TMEM196: variants seen among roughly 807,000 people sequenced by gnomAD.
TMEM196 encodes transmembrane protein 196.
Under a neutral mutation model 20.0 loss-of-function variants are expected in TMEM196, and 17 were observed. That is an observed-to-expected ratio of 0.85 (90% CI 0.58 to 1.27). The LOEUF is 1.27. TMEM196 is among the 50% of genes most tolerant of loss of function. The pLI is 0.00. For missense variants in TMEM196, 267 were observed against 223.0 expected (o/e 1.20, Z -1.26); for synonymous variants, 113 against 88.9 (o/e 1.27, Z -1.52).
At position 19,745,843 on chromosome 7, in the gene TMEM196, G is replaced by A. The variant is rs756768590; in HGVS notation, c.148-16405C>T. On this transcript the variant is annotated intron_variant, in intron 1 of 4. Transcript: ENST00000405844. Reference sequence around the variant, plus strand: ...CTCCTAATTGAAATTGTCCATTGGCGTATTCTATGGGTTATTTTAATAAAA... The same window carrying A: ...CTCCTAATTGAAATTGTCCATTGGCATATTCTATGGGTTATTTTAATAAAA... Among the ~76,000 whole-genome samples the A allele has an allele frequency of 4.6e-5, 7 of 150,710 alleles. No homozygotes were observed. In the South Asian group the frequency reaches 6.4e-4, roughly 14 times the overall value.
intron 4 of TMEM196, 121 bp downstream of exon 4, chr7:19,724,159 T>G: frequency 2.2e-6 from 2 of 896,202 alleles, no homozygotes; most frequent in Non-Finnish European, 3.4e-6. Flanking sequence ...AAGCGATACT[T>G]TGAGAAACAA....
chr7:19,770,948 C>T (rs1402048488), intron 1 of TMEM196, among the ~76,000 whole-genome samples: 2 of 151,084 alleles, frequency 1.3e-5, no homozygotes, highest in African/African-American at 4.9e-5. Flanking sequence ...TGTTGAATTT[C>T]GTTGGGGGCG....
At chr7:19,728,634 T>A (rs892869553) in intron 2 of TMEM196, among the ~76,000 whole-genome samples, 1 of 152,234 alleles carries the variant, frequency 6.6e-6, no homozygotes, top group Non-Finnish European at 1.5e-5. Context: ...CTAGGGTCCC[T>A]GTGTAGTATT....
chr7:19,721,087 G>C lies in TMEM196; in HGVS notation c.*1041C>G, dbSNP rs1783798268. ...GTCTATCTGTATACTACACTATTCA[G>C]ATCACTCATCTTCATAAATATCACC... On this transcript the variant is annotated 3_prime_UTR_variant, in exon 5 of 5. Transcript: ENST00000405844. 1.3e-5 allele frequency: 2 copies of C among 151,760 alleles called. No individual in the cohort carries two copies. The highest frequency in any genetic ancestry group is 2.1e-4 in the South Asian group (1 of 4,828). The allele number at this position is 151,760 out of a possible 1,614,324, so 9.4% of individuals were successfully genotyped here.
intron 2 of TMEM196, among the ~76,000 whole-genome samples, chr7:19,727,017 TCTC>T (rs1209041023): frequency 1.3e-5 from 2 of 152,182 alleles, no homozygotes. Context: ...ACTTTATTGA[TCTC>T]CTCCTTTGTT....
intron 1 of TMEM196, among the ~76,000 whole-genome samples, chr7:19,744,199 T>C (rs1198957983): frequency 6.6e-6 from 1 of 152,234 alleles, no homozygotes; most frequent in Non-Finnish European, 1.5e-5. Flanking sequence ...TTCAGCTTTC[T>C]CTGGATAAAC....
In TMEM196 at chr7:19,761,378, G is replaced by A. The variant is rs559763178; in HGVS notation, c.147+11172C>T. On this transcript the variant is annotated intron_variant, in intron 1 of 4. Coordinates refer to ENST00000405844, the MANE Select transcript of TMEM196 (RefSeq NM_001363562.2). ...TGTAAAGAATATAGTTCCATACACCGTGTTTCTTCCACTATAGAAAATTTC... is the reference window on the plus strand; with the variant it reads ...TGTAAAGAATATAGTTCCATACACCATGTTTCTTCCACTATAGAAAATTTC... Among the ~76,000 whole-genome samples the A allele has an allele frequency of 6.6e-5, 10 of 152,158 alleles. No homozygotes were observed. In the South Asian group the frequency reaches 1.0e-3, roughly 16 times the overall value.
At chr7:19,734,664 C>T (rs1161445261) in intron 1 of TMEM196, among the ~76,000 whole-genome samples, 4 of 152,116 alleles carry the variant, frequency 2.6e-5, no homozygotes, top group African/African-American at 9.7e-5. Context: ...TGTAGGTGAC[C>T]TCTGGGCACT....
intron 1 of TMEM196, among the ~76,000 whole-genome samples, chr7:19,749,838 G>C (rs1023879658): frequency 3.3e-5 from 5 of 152,174 alleles, no homozygotes; most frequent in Non-Finnish European, 5.9e-5. Context: ...GTGGAAATTA[G>C]AGTGTCAGTG....
In TMEM196 at chr7:19,772,623, C is replaced by A; in HGVS notation, c.74G>T (p.Ser25Ile). 1 of 1,547,514 alleles carries A rather than the reference C, an allele frequency of 6.5e-7. No individual in the cohort carries two copies. The highest frequency in any genetic ancestry group is 8.7e-7 in the Non-Finnish European group (1 of 1,146,004). ...SVLEIGLGVSSVAVGAVSFSL... is the reference protein window; with the variant it reads ...SVLEIGLGVSIVAVGAVSFSL... Reference sequence around the variant, plus strand: ...GAAGCTGACCGCCCCCACGGCCACGCTGGACACCCCCAGCCCTATCTCCAG... The same window carrying A: ...GAAGCTGACCGCCCCCACGGCCACGATGGACACCCCCAGCCCTATCTCCAG... Residue 25 changes from serine (S) to isoleucine (I), a missense_variant, in exon 1 of 5, where the codon AGC becomes ATC. By Grantham distance (142) the Ser-to-Ile change is moderately radical. Coordinates refer to ENST00000405844, the MANE Select transcript of TMEM196 (RefSeq NM_001363562.2).
chr7:19,735,802 C>T (rs1301811483), intron 1 of TMEM196, among the ~76,000 whole-genome samples: 1 of 152,124 alleles, frequency 6.6e-6, no homozygotes, highest in Non-Finnish European at 1.5e-5. Context: ...TATTTAACTA[C>T]TTCAGATGAA....
chr7:19,748,729 C>T (rs1784853913), intron 1 of TMEM196, among the ~76,000 whole-genome samples: 1 of 152,102 alleles, frequency 6.6e-6, no homozygotes, highest in African/African-American at 2.4e-5. Flanking sequence ...ATACATTTTG[C>T]TTAGCTAAAA....
At chr7:19,757,159 T>C (rs1051599897) in intron 1 of TMEM196, among the ~76,000 whole-genome samples, 2 of 149,696 alleles carry the variant, frequency 1.3e-5, no homozygotes, top group African/African-American at 5.0e-5. Flanking sequence ...ACTTGCATCT[T>C]ATATTGCAGT....
intron 1 of TMEM196, 60 bp from the exon 2 acceptor site, chr7:19,729,498 T>G: frequency 6.8e-7 from 1 of 1,467,966 alleles, no homozygotes; most frequent in Non-Finnish European, 9.2e-7. Flanking sequence ...CCCTAGATTT[T>G]AGCTTGTAGT....
chr7:19,750,317 A>C (rs1372254599), intron 1 of TMEM196, among the ~76,000 whole-genome samples: 1 of 152,246 alleles, frequency 6.6e-6, no homozygotes, highest in Admixed American at 6.5e-5. Flanking sequence ...GCATATATCA[A>C]AACATCACAT....
At chr7:19,746,515 A>T (rs2390156) in intron 1 of TMEM196, among the ~76,000 whole-genome samples, 25,537 of 152,228 alleles carry the variant, frequency 0.17, 2,653 homozygotes, top group East Asian at 0.43. Context: ...AAACAAGTCA[A>T]TTTAGGCTAT....
At chr7:19,763,640 A>G (rs1381109986) in intron 1 of TMEM196, among the ~76,000 whole-genome samples, 4 of 152,178 alleles carry the variant, frequency 2.6e-5, no homozygotes, top group African/African-American at 4.8e-5. Context: ...AATTTCATCA[A>G]TGGTCTTACA....
At chr7:19,742,485 A>G (rs1784614285) in intron 1 of TMEM196, among the ~76,000 whole-genome samples, 3 of 152,076 alleles carry the variant, frequency 2.0e-5, no homozygotes, top group African/African-American at 7.2e-5. Context: ...TCTGCTTGAA[A>G]TCCTTTGTAA....
intron 3 of TMEM196, 138 bp downstream of exon 3, chr7:19,725,376 C>A (rs1481747670): frequency 1.9e-5 from 22 of 1,132,550 alleles, no homozygotes; most frequent in Non-Finnish European, 2.5e-5. Context: ...AATAAAATTT[C>A]TATTCTTAAC....
Sources: allele counts gnomAD v4.1 joint callset (sites outside exome capture counted in the v4.1 genomes callset), GRCh38; gene constraint gnomAD v4.1.1; transcripts MANE v1.5; gene names NCBI Gene and HGNC (gene_info 2026-07-23, HGNC 2026-07-21).